Variants in RPL17 observed in about 807,000 individuals in gnomAD.
The protein encoded by RPL17 is ribosomal protein L17.
RPL17 carries 2 observed loss-of-function variants against 27.7 expected under a neutral mutation model. That is an observed-to-expected ratio of 0.07 (90% CI 0.03 to 0.23). The LOEUF (loss-of-function observed/expected upper bound fraction) is 0.23. Among genes scored for constraint, RPL17 ranks in the 10% least tolerant of loss-of-function variants. The pLI is 1.00. For synonymous variants in RPL17, 76 were observed against 75.5 expected (o/e 1.01, Z -0.03); for missense variants, 141 against 238.8 (o/e 0.59, Z 2.70).
chr18:49,490,760 CTG>C, intron 4 of RPL17, 31 bp downstream of exon 4: 1 of 1,612,810 alleles, frequency 6.2e-7, no homozygotes, highest in Non-Finnish European at 8.5e-7. Flanking sequence ...CCATTAAAAT[CTG>C]TCTTTTCAAA....
In RPL17 at chr18:49,491,220, A is replaced by G. The variant is rs1011133686; in HGVS notation, c.81+185T>C. 6 of 1,035,986 alleles carry G rather than the reference A, an allele frequency of 5.8e-6. No homozygotes were observed. The African/African-American group carries it at 7.8e-5, about 14-fold the overall frequency. The allele number at this position is 1,035,986 out of a possible 1,614,324, so 64.2% of individuals were successfully genotyped here. A position where few individuals can be genotyped will look rare whatever the true frequency, so the allele number is the denominator to read the frequency against. On this transcript the variant is annotated intron_variant, in intron 3 of 6. Transcript: ENST00000580261. ...GGTTTTCAAATGGTTTTCTGGTACT[A>G]CTTCTCAATTTCACAAACGCTACAT...
intron 4 of RPL17, 120 bp from the exon 5 acceptor site, chr18:49,490,672 G>T (rs779720250): frequency 8.2e-6 from 13 of 1,585,188 alleles, no homozygotes; most frequent in Non-Finnish European, 1.1e-5. Flanking sequence ...TCAATCCAAG[G>T]TGTCCTGTCA....
chr18:49,490,157 G>GTTT, intron 5 of RPL17: 1 of 326,080 alleles, frequency 3.1e-6, no homozygotes, highest in East Asian at 7.0e-5. Flanking sequence ...CACAAAAAGG[G>GTTT]GTAAAAGCCC....
intron 5 of RPL17, among the ~76,000 whole-genome samples, chr18:49,489,845 A>G (rs909370484): frequency 6.6e-6 from 1 of 152,174 alleles, no homozygotes; most frequent in Non-Finnish European, 1.5e-5. Flanking sequence ...GAAGAACCCA[A>G]TTCGAAGTCT....
At chr18:49,490,294 AT>A (rs2083962560) in intron 5 of RPL17, 159 bp downstream of exon 5, 5 of 794,746 alleles carry the variant, frequency 6.3e-6, no homozygotes, top group South Asian at 1.9e-5. Context: ...CTCAAAAAAA[AT>A]AAAAGGAAAT....
chr18:49,492,005 A>C, intron 1 of RPL17: 1 of 354,450 alleles, frequency 2.8e-6, no homozygotes, highest in Non-Finnish European at 5.5e-6. Flanking sequence ...CGTCTCTCTC[A>C]ACACCTTCGG....
chr18:49,488,671 G>A (rs552512915), intron 6 of RPL17, 105 bp from the exon 7 acceptor site: 11 of 701,254 alleles, frequency 1.6e-5, no homozygotes, highest in Admixed American at 2.5e-5. Context: ...AAGGACTAAG[G>A]GGGAAAAATA....
At position 49,489,470 on chromosome 18, in the gene RPL17, A is replaced by G. The variant is rs1204613224; in HGVS notation, c.396T>C (p.Ala132=). The G allele has an allele frequency of 5.6e-6, 9 of 1,605,766 alleles. No homozygotes were observed. The highest frequency in any genetic ancestry group is 7.6e-6 in the Non-Finnish European group (9 of 1,179,898). ...TCATGTATGGGTTAATCCGACCATG[A>G]GCTCTGTAGGTCCGGCGGCGCATCT... ...APKMRRRTYR[A]HGRINPYMSS... The change falls in exon 6 of 7, where the codon GCT becomes GCC. Residue 132 remains alanine, a synonymous_variant. Transcript: ENST00000580261.
intron 5 of RPL17, chr18:49,490,201 G>A: frequency 2.4e-6 from 1 of 411,304 alleles, no homozygotes; most frequent in Non-Finnish European, 4.4e-6. Context: ...AAAGACAGCA[G>A]AAAACTAGAA....
intron 1 of RPL17, 33 bp from the exon 2 acceptor site, chr18:49,491,617 C>T (rs750968094): frequency 1.9e-6 from 3 of 1,610,060 alleles, no homozygotes; most frequent in Non-Finnish European, 1.7e-6. Flanking sequence ...TCTGTCAATA[C>T]GTACTTACAG....
chr18:49,489,286 T>TCCTAAGATAGTCATCACAGCAACCACAAA, intron 6 of RPL17, 73 bp downstream of exon 6: 1 of 1,519,698 alleles, frequency 6.6e-7, no homozygotes, highest in East Asian at 2.3e-5. Context: ...TCCAAAGGTG[T>TCCTAAGATAGTCATCACAGCAACCACAAA]CCTAAGATAG....
At chr18:49,491,718 C>G in intron 1 of RPL17, 134 bp from the exon 2 acceptor site, 2 of 1,158,766 alleles carry the variant, frequency 1.7e-6, no homozygotes, top group Non-Finnish European at 2.6e-6. Context: ...CTAAGAAATG[C>G]CATCATCGCA....
chr18:49,490,096 ACTG>A (rs2083945170), intron 5 of RPL17, among the ~76,000 whole-genome samples: 1 of 152,224 alleles, frequency 6.6e-6, no homozygotes, highest in Non-Finnish European at 1.5e-5. Flanking sequence ...CACATTAATC[ACTG>A]CTAAGGCAAT....
chr18:49,491,952 C>CTACAGAAACCCCT (rs1418756331), intron 1 of RPL17: 1 of 381,428 alleles, frequency 2.6e-6, no homozygotes, highest in African/African-American at 2.1e-5. Context: ...CCCTCCCGCT[C>CTACAGAAACCCCT]TACAGAAACC....
chr18:49,488,762 A>G (rs2148815271), intron 6 of RPL17, among the ~76,000 whole-genome samples, 196 bp from the exon 7 acceptor site: 1 of 152,334 alleles, frequency 6.6e-6, no homozygotes, highest in South Asian at 2.1e-4. Context: ...TCTTGACTTA[A>G]AAGAACTAAA....
At chr18:49,491,260 C>T (rs756167426) in intron 3 of RPL17, 145 bp downstream of exon 3, 1 of 1,281,626 alleles carries the variant, frequency 7.8e-7, no homozygotes, top group Non-Finnish European at 1.1e-6. Context: ...ACACCCTGAT[C>T]ATCAATGCCT....
intron 6 of RPL17, 103 bp from the exon 7 acceptor site, chr18:49,488,669 AG>A: frequency 2.8e-6 from 2 of 709,324 alleles, no homozygotes; most frequent in Non-Finnish European, 5.1e-6. Context: ...TTAAGGACTA[AG>A]GGGGAAAAAT....
chr18:49,489,677 A>G, intron 5 of RPL17, 127 bp from the exon 6 acceptor site: 1 of 962,378 alleles, frequency 1.0e-6, no homozygotes, highest in Non-Finnish European at 1.5e-6. Flanking sequence ...ATCATTTTTA[A>G]AAGGCAATCC....
intron 3 of RPL17, 99 bp from the exon 4 acceptor site, chr18:49,491,026 T>C: frequency 6.4e-7 from 1 of 1,567,942 alleles, no homozygotes; most frequent in Non-Finnish European, 8.6e-7. Flanking sequence ...AATGTCGAGT[T>C]ATTTCTATTC....
Sources: gnomAD v4.1 joint callset for allele counts (sites outside exome capture counted in the v4.1 genomes callset) on GRCh38, gnomAD v4.1.1 for gene constraint, MANE v1.5 for transcripts, NCBI Gene and HGNC (gene_info 2026-07-23, HGNC 2026-07-21) for gene names.